The following PRKDC variants were observed in gnomAD, a reference collection of about 807,000 sequenced individuals.
The protein encoded by PRKDC is DNA-dependent protein kinase catalytic subunit.
Under a neutral mutation model 486.9 loss-of-function variants are expected in PRKDC, and 82 were observed. The observed-to-expected ratio is 0.17, with a 90% CI of 0.14 to 0.20. The LOEUF (loss-of-function observed/expected upper bound fraction) is 0.20, where lower values mean the gene tolerates loss of function less well. Ranked by LOEUF, PRKDC falls within the 10% of genes least tolerant of loss-of-function variation. PRKDC has a pLI of 1.00. For synonymous variants in PRKDC, 1,895 were observed against 1,837.0 expected (o/e 1.03, Z -0.81); for missense variants, 4,504 against 5,038.2 (o/e 0.89, Z 3.21).
intron 14 of PRKDC, 138 bp downstream of exon 14, chr8:47,934,871 C>G: frequency 3.3e-6 from 2 of 603,700 alleles, no homozygotes; most frequent in South Asian, 4.8e-5. Context: ...ATGTCCTACA[C>G]TTTTCAAAAT....
chr8:47,909,763 G>A (rs996737367), intron 25 of PRKDC, among the ~76,000 whole-genome samples: 1 of 152,184 alleles, frequency 6.6e-6, no homozygotes, highest in African/African-American at 2.4e-5. Flanking sequence ...GTCTTATGCA[G>A]TTGAGATAAG....
At chr8:47,851,620 G>C (rs1218339829) in intron 52 of PRKDC, among the ~76,000 whole-genome samples, 1 of 152,180 alleles carries the variant, frequency 6.6e-6, no homozygotes, top group Non-Finnish European at 1.5e-5. Context: ...TCTTTCAGGA[G>C]AGTAACTGAG....
intron 10 of PRKDC, among the ~76,000 whole-genome samples, chr8:47,940,674 C>T (rs2090429334): frequency 1.3e-5 from 2 of 152,136 alleles, no homozygotes; most frequent in Admixed American, 6.6e-5. Context: ...TACTATAATG[C>T]TAATTTTCTA....
chr8:47,944,429 T>C (rs1487156590), intron 7 of PRKDC, among the ~76,000 whole-genome samples: 1 of 147,546 alleles, frequency 6.8e-6, no homozygotes, highest in Non-Finnish European at 1.5e-5. Flanking sequence ...AACATACCAT[T>C]CTCCCCAATA....
At chr8:47,924,703 A>ACT (rs997267277) in intron 21 of PRKDC, among the ~76,000 whole-genome samples, 1 of 151,502 alleles carries the variant, frequency 6.6e-6, no homozygotes, top group African/African-American at 2.4e-5. Context: ...ACAAACACAC[A>ACT]CTCTCTCTCT....
At chr8:47,823,796 T>C in intron 64 of PRKDC, 62 bp downstream of exon 64, 2 of 1,580,686 alleles carry the variant, frequency 1.3e-6, no homozygotes, top group Non-Finnish European at 1.7e-6. Context: ...CTTAAAGTCA[T>C]AGTTCAGCAG....
At position 47,828,108 on chromosome 8, in the gene PRKDC, A is replaced by G. The variant is rs1021804744; in HGVS notation, c.8577+60T>C. ...AACACGGGAAACATAGTGATGATGG[A>G]AAGGCCATGTGAAGCCACAGCAAAC... On this transcript the variant is annotated intron_variant, in intron 62 of 85. Coordinates refer to ENST00000314191, the MANE Select transcript of PRKDC (RefSeq NM_006904.7). The G allele has an allele frequency of 3.3e-6, 5 of 1,493,596 alleles. No individual in the cohort carries two copies. The Admixed American group carries it at 5.6e-5, about 17-fold the overall frequency. The allele number at this position is 1,493,596 out of a possible 1,614,324, so 92.5% of individuals were successfully genotyped here.
chr8:47,773,303 T>C lies in PRKDC; in HGVS notation c.*870A>G, dbSNP rs2086552646. The C allele has an allele frequency of 4.4e-6, 1 of 225,656 alleles. No individual in the cohort carries two copies. Among genetic ancestry groups the C allele is most frequent in the South Asian group, 1.8e-4 (1 of 5,524 alleles). 14.0% of individuals were successfully genotyped at this position (225,656 alleles called of 1,614,324 possible). ...GGGAAGGAGCCACTTTTGTATTCCA[T>C]AATTTCATCTTGTTGTGCTAGAATG... On this transcript the variant is annotated 3_prime_UTR_variant, in exon 86 of 86. Coordinates refer to ENST00000314191, the MANE Select transcript of PRKDC (RefSeq NM_006904.7).
At chr8:47,926,956 T>C in intron 21 of PRKDC, 2 of 430,672 alleles carry the variant, frequency 4.6e-6, no homozygotes, top group South Asian at 7.8e-5. Flanking sequence ...TCTTTGAAGA[T>C]TTTATAAATC....
intron 7 of PRKDC, among the ~76,000 whole-genome samples, chr8:47,945,612 T>C (rs960712917): frequency 3.3e-5 from 5 of 152,228 alleles, no homozygotes; most frequent in African/African-American, 7.2e-5. Flanking sequence ...TAATGTTCCA[T>C]TGTGTCTACG....
At position 47,935,056 on chromosome 8, in the gene PRKDC, G is replaced by T; in HGVS notation, c.1450C>A (p.His484Asn). 2 of 1,499,358 alleles carry T rather than the reference G, an allele frequency of 1.3e-6. No individual in the cohort carries two copies. The highest frequency in any genetic ancestry group is 1.3e-5 in the South Asian group (1 of 75,490). The allele number at this position is 1,499,358 out of a possible 1,614,324, so 92.9% of individuals were successfully genotyped here. A position where few individuals can be genotyped will look rare whatever the true frequency, so the allele number is the denominator to read the frequency against. Residue 484 changes from histidine (H) to asparagine (N), a missense_variant and splice_region_variant, in exon 14 of 86, where the codon CAT (histidine) becomes AAT (asparagine). His to Asn is a moderately conservative substitution (Grantham distance 68). This residue lies in a region of PRKDC where 1,969 missense variants were observed against 2,068.9 expected (regional missense o/e 0.95). Coordinates refer to ENST00000314191, the MANE Select transcript of PRKDC (RefSeq NM_006904.7). ...VLRNCISTVV[H>N]QGLIRICSKP... ...GAACATATTCTGATTAAACCCTGAT[G>T]CACTGAAAAAAGAAAAAGAAAACAA...
chr8:47,948,400 G>A (rs888532747), intron 7 of PRKDC, among the ~76,000 whole-genome samples: 1 of 150,166 alleles, frequency 6.7e-6, no homozygotes, highest in Non-Finnish European at 1.5e-5. Context: ...GAGCCACCTT[G>A]CCTGGCCTTA....
chr8:47,847,823 A>C (rs1348882312), intron 54 of PRKDC, among the ~76,000 whole-genome samples: 1 of 151,802 alleles, frequency 6.6e-6, no homozygotes, highest in African/African-American at 2.4e-5. Flanking sequence ...CCCCATTAAA[A>C]AATGAGCAAA....
chr8:47,912,613 A>G (rs565615607), intron 24 of PRKDC, 51 bp from the exon 25 acceptor site: 2 of 1,476,192 alleles, frequency 1.4e-6, no homozygotes, highest in South Asian at 2.9e-5. Context: ...GTTGATGACA[A>G]GAGAATATTT....
chr8:47,816,325 C>T (rs1318216205), intron 68 of PRKDC, among the ~76,000 whole-genome samples: 5 of 152,068 alleles, frequency 3.3e-5, no homozygotes, highest in East Asian at 3.9e-4. Flanking sequence ...CATGAGGAAA[C>T]GTAAGACAAA....
intron 17 of PRKDC, among the ~76,000 whole-genome samples, chr8:47,930,439 AT>A (rs1171735820): frequency 4.6e-5 from 7 of 152,058 alleles, no homozygotes; most frequent in Non-Finnish European, 8.8e-5. Context: ...TGCCCGGCGA[AT>A]TTTTTGTATC....
Position 47,888,615 on chromosome 8 carries a change from G to C in PRKDC, c.4316C>G (p.Pro1439Arg), listed in dbSNP as rs749276875. 1 of 1,593,762 alleles carries C rather than the reference G, an allele frequency of 6.3e-7. No individual in the cohort carries two copies. ...EELCAVNLYG[P>R]DAQVDRSRLA... ...CCTGCTCCTGTCCACTTGCGCGTCA[G>C]GGCCATACAAGTTGACGGCACAAAG... Residue 1439 changes from proline (P) to arginine (R), a missense_variant, in exon 34 of 86, where the codon CCT becomes CGT. By Grantham distance (103) the Pro-to-Arg change is moderately radical. Coordinates refer to ENST00000314191, the MANE Select transcript of PRKDC (RefSeq NM_006904.7).
chr8:47,782,172 C>T lies in PRKDC; in HGVS notation c.11479G>A (p.Ala3827Thr), dbSNP rs756054624. The change falls in exon 80 of 86, where the codon GCT (alanine) becomes ACT (threonine). Residue 3827 changes from alanine (A) to threonine (T), a missense_variant. By Grantham distance (58) the Ala-to-Thr change is moderately conservative. This residue lies in a region of PRKDC where 706 missense variants were observed against 945.0 expected (regional missense o/e 0.75). Coordinates refer to ENST00000314191, the MANE Select transcript of PRKDC (RefSeq NM_006904.7). This position sits in a 1 kb window ranked among gnomAD's most constrained non-coding sequence, Gnocchi z 4.9. ...TGTGGCCGCCCTTACCTCAGGTAAG[C>T]CGCCTTCTCCTCTTGGGACATGGTG... ...LNTMSQEEKA[A>T]YLSDPRAPPC... The T allele has an allele frequency of 5.0e-6, 8 of 1,613,832 alleles. No individual in the cohort carries two copies. Among genetic ancestry groups the T allele is most frequent in the Non-Finnish European group, 5.9e-6 (7 of 1,179,738 alleles).
intron 62 of PRKDC, among the ~76,000 whole-genome samples, chr8:47,827,957 T>C (rs377405041): frequency 1.7e-4 from 26 of 152,382 alleles, no homozygotes; most frequent in Non-Finnish European, 2.5e-4. Context: ...ACATGTTTGA[T>C]TTCTGGTTAT....
Sources: gnomAD v4.1 joint callset for allele counts (sites outside exome capture counted in the v4.1 genomes callset) on GRCh38, gnomAD v4.1.1 for gene constraint, gnomAD v4.1.1 regional missense constraint, Gnocchi (gnomAD v3.1) non-coding constraint, MANE v1.5 for transcripts, NCBI Gene and HGNC (gene_info 2026-07-23, HGNC 2026-07-21) for gene names.